MRTFB: variants seen among roughly 807,000 people sequenced by gnomAD.
MRTFB encodes myocardin related transcription factor B, also known as myocardin-related transcription factor B.
Under a neutral mutation model 104.2 loss-of-function variants are expected in MRTFB, and 29 were observed. The observed-to-expected ratio is 0.28, with a 90% CI of 0.21 to 0.38. The LOEUF is 0.38. MRTFB is among the 10% of genes least tolerant of loss of function. The pLI is 1.00. For synonymous variants in MRTFB, 535 were observed against 519.5 expected (o/e 1.03, Z -0.41); for missense variants, 1,270 against 1,341.6 (o/e 0.95, Z 0.83).
At chr16:14,224,701 A>G (rs1230029241) in intron 8 of MRTFB, among the ~76,000 whole-genome samples, 1 of 152,248 alleles carries the variant, frequency 6.6e-6, no homozygotes. Flanking sequence ...TGGTGAAAGA[A>G]GAAAACAGTC....
chr16:14,185,560 T>A (rs1597185989), intron 3 of MRTFB, among the ~76,000 whole-genome samples: 1 of 152,190 alleles, frequency 6.6e-6, no homozygotes, highest in East Asian at 1.9e-4. Flanking sequence ...TTCTGGGTAT[T>A]ATTAAAGGAA....
chr16:14,240,979 T>C lies in MRTFB; in HGVS notation c.1079+495T>C, dbSNP rs200058705. 5 of 519,170 alleles carry C rather than the reference T, an allele frequency of 9.6e-6. No individual in the cohort carries two copies. In the East Asian group the frequency reaches 1.2e-4, roughly 13 times the overall value. 32.2% of individuals were successfully genotyped at this position (519,170 alleles called of 1,614,324 possible). A position where few individuals can be genotyped will look rare whatever the true frequency, so the allele number is the denominator to read the frequency against. ...ACAGAGGAAGGAATAGAGTAAGTAG[T>C]GCCTCTTCATTGGAAGGTGAGAAAA... On this transcript the variant is annotated intron_variant, in intron 10 of 16. Coordinates refer to ENST00000571589, the MANE Select transcript of MRTFB (RefSeq NM_001308142.2).
the MRTFB span, among the ~76,000 whole-genome samples, chr16:14,011,342 T>A: frequency 1.3e-5 from 2 of 152,184 alleles, no homozygotes; most frequent in Non-Finnish European, 2.9e-5. Context: ...CTGAACCCCA[T>A]TTCCACATCT....
chr16:14,004,786 G>A, the MRTFB span, among the ~76,000 whole-genome samples: 1 of 152,238 alleles, frequency 6.6e-6, no homozygotes, highest in Non-Finnish European at 1.5e-5. Context: ...GCACTTCCTG[G>A]GTTCTGTTCA....
At chr16:14,049,454 T>C in the MRTFB span, among the ~76,000 whole-genome samples, 1 of 152,222 alleles carries the variant, frequency 6.6e-6, no homozygotes. Flanking sequence ...GGATTCTCTT[T>C]GCTAAAAAGA....
intron 3 of MRTFB, among the ~76,000 whole-genome samples, chr16:14,184,165 G>T (rs149641177): frequency 1.5e-3 from 228 of 150,068 alleles, no homozygotes; most frequent in Non-Finnish European, 2.8e-3. Flanking sequence ...GCCAAGCTGC[G>T]TGCTTTGGAA....
chr16:14,024,707 G>A, the MRTFB span, among the ~76,000 whole-genome samples: 1 of 152,198 alleles, frequency 6.6e-6, no homozygotes, highest in Non-Finnish European at 1.5e-5. Context: ...CTCCTGAGAG[G>A]TGGTGCAAGA....
intron 8 of MRTFB, among the ~76,000 whole-genome samples, chr16:14,224,831 T>C (rs916814712): frequency 1.3e-5 from 2 of 152,138 alleles, no homozygotes; most frequent in Non-Finnish European, 2.9e-5. Flanking sequence ...CAAGAAATGC[T>C]AAAAAGAATC....
chr16:14,252,371 TCACCCCCGC>T lies in MRTFB; in HGVS notation c.2579_2587del (p.Pro860_Pro862del). 1 of 1,613,478 alleles carries T rather than the reference TCACCCCCGC, an allele frequency of 6.2e-7. No individual in the cohort carries two copies. Among genetic ancestry groups the T allele is most frequent in the Non-Finnish European group, 8.5e-7 (1 of 1,179,690 alleles). ...CCTCCTTTATTTGACACAGCCTAGT[TCACCCCCGC>T]CACCCCAGCAATTTGTCGTCCAGCA... On this transcript the variant is annotated inframe_deletion, in exon 15 of 17. Transcript: ENST00000571589.
Position 14,249,054 on chromosome 16 carries a change from G to C in MRTFB, c.2376G>C (p.Val792=), listed in dbSNP as rs1259371144. The C allele has an allele frequency of 3.1e-6, 5 of 1,614,090 alleles. No homozygotes were observed. Among genetic ancestry groups the C allele is most frequent in the Non-Finnish European group, 3.4e-6 (4 of 1,179,992 alleles). ...PQTQDTFPQH[V]LSQPQQVRKV... is the part of the protein sequence containing the mutation. ...CACAAGACACGTTCCCGCAGCATGT[G>C]CTCAGTCAGCCTCAACAAGTCAGAA... Residue 792 remains valine (V), a synonymous_variant, in exon 13 of 17, where the codon GTG becomes GTC. Coordinates refer to ENST00000571589, the MANE Select transcript of MRTFB (RefSeq NM_001308142.2).
chr16:14,036,168 TATATTATATATTATATAAAATAC>T, the MRTFB span, among the ~76,000 whole-genome samples: 4 of 65,472 alleles, frequency 6.1e-5, no homozygotes, highest in Non-Finnish European at 5.9e-5. Context: ...ATATAAAATA[TATATTATATATTATATAAAATAC>T]ATTATATATA....
At chr16:14,080,094 T>C (rs2034307603) in intron 2 of MRTFB, among the ~76,000 whole-genome samples, 1 of 152,234 alleles carries the variant, frequency 6.6e-6, no homozygotes, top group Non-Finnish European at 1.5e-5. Flanking sequence ...TTTTAGATTG[T>C]TCTAGTTTTC....
intron 2 of MRTFB, among the ~76,000 whole-genome samples, chr16:14,097,621 C>T (rs901365221): frequency 1.1e-4 from 17 of 152,134 alleles, no homozygotes; most frequent in Non-Finnish European, 2.1e-4. Context: ...TTAAAGTGTA[C>T]AATTTAATCA....
At chr16:14,110,570 C>T (rs2036218649) in intron 2 of MRTFB, among the ~76,000 whole-genome samples, 1 of 152,136 alleles carries the variant, frequency 6.6e-6, no homozygotes, top group African/African-American at 2.4e-5. Context: ...TGCTGTGATT[C>T]CAGGCTCTCT....
the MRTFB span, among the ~76,000 whole-genome samples, chr16:14,017,605 A>G: frequency 2.9e-4 from 1 of 3,508 alleles, no homozygotes; most frequent in African/African-American, 6.7e-4. Flanking sequence ...ATATATATAT[A>G]TATATATATA....
At chr16:14,162,979 A>G (rs28397136) in intron 3 of MRTFB, among the ~76,000 whole-genome samples, 8,610 of 152,092 alleles carry the variant, frequency 0.057, 747 homozygotes, top group African/African-American at 0.19. Flanking sequence ...TTGTTTGTCT[A>G]TCTTTTTGTC....
intron 10 of MRTFB, among the ~76,000 whole-genome samples, chr16:14,243,774 A>G (rs780646856): frequency 6.6e-5 from 10 of 151,816 alleles, no homozygotes; most frequent in Non-Finnish European, 1.0e-4. Flanking sequence ...CAAACCAAGA[A>G]CATTTTCAGT....
chr16:14,105,734 T>A (rs553902968), intron 2 of MRTFB, among the ~76,000 whole-genome samples: 50 of 152,180 alleles, frequency 3.3e-4, no homozygotes, highest in Non-Finnish European at 6.3e-4. Flanking sequence ...ATTAATAAGA[T>A]GCTGTCCTTT....
intron 3 of MRTFB, among the ~76,000 whole-genome samples, chr16:14,178,907 A>G (rs1260050950): frequency 6.6e-6 from 1 of 151,826 alleles, no homozygotes; most frequent in Non-Finnish European, 1.5e-5. Flanking sequence ...ACGCCACCAC[A>G]CTTGTCTAAT....
Sources: allele counts gnomAD v4.1 joint callset (sites outside exome capture counted in the v4.1 genomes callset), GRCh38; gene constraint gnomAD v4.1.1; transcripts MANE v1.5; gene names NCBI Gene and HGNC (gene_info 2026-07-23, HGNC 2026-07-21).